PLS1: variants seen among roughly 807,000 people sequenced by gnomAD.
PLS1 encodes the protein plastin-1.
A neutral mutation model predicts 73.7 loss-of-function variants in PLS1; 32 were observed. That is an observed-to-expected ratio of 0.43 (90% CI 0.33 to 0.58). The LOEUF (loss-of-function observed/expected upper bound fraction) is 0.58. Ranked by LOEUF, PLS1 falls within the 20% of genes least tolerant of loss-of-function variation. The pLI is 0.04. For synonymous variants in PLS1, 217 were observed against 261.3 expected (o/e 0.83, Z 1.63); for missense variants, 633 against 740.5 (o/e 0.85, Z 1.68).
intron 13 of PLS1, 31 bp from the exon 14 acceptor site, chr3:142,704,432 C>T (rs2038405957): frequency 6.4e-7 from 1 of 1,564,366 alleles, no homozygotes; most frequent in Non-Finnish European, 8.7e-7. Context: ...TCACCCTTTT[C>T]AGTCTCAAAT....
chr3:142,649,963 A>C (rs76050956), intron 1 of PLS1, among the ~76,000 whole-genome samples: 349 of 152,300 alleles, frequency 2.3e-3, no homozygotes, highest in Middle Eastern at 0.017. Flanking sequence ...TCCTTTGAGG[A>C]AGTGACTTGC....
intron 2 of PLS1, among the ~76,000 whole-genome samples, chr3:142,665,580 G>A (rs1460368632): frequency 1.3e-5 from 2 of 152,126 alleles, no homozygotes; most frequent in African/African-American, 4.8e-5. Flanking sequence ...AACAGAGGAA[G>A]TAATAAAAAT....
intron 1 of PLS1, among the ~76,000 whole-genome samples, chr3:142,633,169 T>C (rs2036603023): frequency 6.6e-6 from 1 of 152,156 alleles, no homozygotes; most frequent in Non-Finnish European, 1.5e-5. Flanking sequence ...ATGTGAACCA[T>C]GTAGAGTAGT....
chr3:142,683,240 C>T (rs2037891814), intron 6 of PLS1, among the ~76,000 whole-genome samples: 1 of 152,184 alleles, frequency 6.6e-6, no homozygotes, highest in African/African-American at 2.4e-5. Flanking sequence ...TGCGGTGGCT[C>T]ACGCCTGTAA....
chr3:142,600,893 TATATATATATATATATATATA>T (rs1560024328), intron 1 of PLS1, among the ~76,000 whole-genome samples: 15 of 25,652 alleles, frequency 5.8e-4, no homozygotes, highest in Non-Finnish European at 7.8e-4. Flanking sequence ...TATATATATA[TATATATATATATATATATATA>T]TATTTTTTTT....
chr3:142,597,026 C>T (rs1215555808), intron 1 of PLS1, among the ~76,000 whole-genome samples: 1 of 152,166 alleles, frequency 6.6e-6, no homozygotes, highest in African/African-American at 2.4e-5. Context: ...TGCCAAAAAA[C>T]TTTCCGTGTT....
intron 1 of PLS1, among the ~76,000 whole-genome samples, chr3:142,618,319 G>A (rs1276874310): frequency 6.6e-6 from 1 of 152,064 alleles, no homozygotes; most frequent in Non-Finnish European, 1.5e-5. Context: ...ACAATCCAAG[G>A]CCAAGGTGAT....
At chr3:142,682,300 G>A (rs980524118) in intron 6 of PLS1, among the ~76,000 whole-genome samples, 4 of 152,172 alleles carry the variant, frequency 2.6e-5, no homozygotes, top group Admixed American at 6.5e-5. Context: ...GGTAGCGCCT[G>A]CAGTGAAAAA....
chr3:142,684,651 AAC>A (rs2037926469), intron 8 of PLS1, among the ~76,000 whole-genome samples: 1 of 152,176 alleles, frequency 6.6e-6, no homozygotes, highest in African/African-American at 2.4e-5. Context: ...AACAGATTAA[AAC>A]ACACTTTCTC....
intron 12 of PLS1, among the ~76,000 whole-genome samples, chr3:142,700,955 A>G (rs945999077): frequency 5.9e-5 from 9 of 152,186 alleles, no homozygotes; most frequent in African/African-American, 2.2e-4. Context: ...TGCTGCCACC[A>G]TGTAAATAGT....
intron 1 of PLS1, among the ~76,000 whole-genome samples, chr3:142,647,855 A>G (rs539136509): frequency 3.7e-4 from 57 of 152,236 alleles, no homozygotes; most frequent in Non-Finnish European, 7.4e-4. Context: ...TCTAGACTGT[A>G]CAGGGGTTCT....
intron 9 of PLS1, among the ~76,000 whole-genome samples, chr3:142,687,160 TAGA>T (rs758823306): frequency 4.0e-5 from 6 of 151,428 alleles, no homozygotes; most frequent in African/African-American, 1.2e-4. Context: ...TGGGCCACAT[TAGA>T]AGAAGAATTG....
intron 12 of PLS1, among the ~76,000 whole-genome samples, chr3:142,702,132 A>G (rs1438736694): frequency 1.3e-5 from 2 of 152,190 alleles, no homozygotes; most frequent in Admixed American, 6.6e-5. Flanking sequence ...TTATAGCACA[A>G]TACAGCCTTG....
intron 1 of PLS1, among the ~76,000 whole-genome samples, chr3:142,640,007 C>T (rs6778326): frequency 9.3e-4 from 141 of 152,198 alleles, no homozygotes; most frequent in African/African-American, 3.1e-3. Context: ...CTGCAGACTG[C>T]TCATTGGAAA....
At chr3:142,685,293 A>G (rs2037941146) in intron 8 of PLS1, among the ~76,000 whole-genome samples, 1 of 152,354 alleles carries the variant, frequency 6.6e-6, no homozygotes. Flanking sequence ...AGGCGATGCA[A>G]AGACTCAGCT....
At chr3:142,657,858 A>G (rs2037275626) in intron 1 of PLS1, among the ~76,000 whole-genome samples, 1 of 152,206 alleles carries the variant, frequency 6.6e-6, no homozygotes, top group South Asian at 2.1e-4. Flanking sequence ...TTCTCCCACA[A>G]TAATATTAAT....
chr3:142,686,387 T>C lies in PLS1; in HGVS notation c.981+11T>C. ...CTTTCAGGAATTAATGTGAGTGCAA[T>C]TTTTAACTTTTAAAATATATTGTGG... is the stretch of plus-strand genomic sequence containing the variant. On this transcript the variant is annotated intron_variant, in intron 9 of 15. Coordinates refer to ENST00000457734, the MANE Select transcript of PLS1 (RefSeq NM_001145319.2). 1 of 1,480,222 alleles carries C rather than the reference T, an allele frequency of 6.8e-7. No homozygotes were observed. Among genetic ancestry groups the C allele is most frequent in the East Asian group, 2.3e-5 (1 of 44,282 alleles). The allele number at this position is 1,480,222 out of a possible 1,614,324, so 91.7% of individuals were successfully genotyped here.
At chr3:142,652,417 AT>A (rs2037117756) in intron 1 of PLS1, among the ~76,000 whole-genome samples, 1 of 152,018 alleles carries the variant, frequency 6.6e-6, no homozygotes, top group Admixed American at 6.5e-5. Flanking sequence ...CTAGTTTCCT[AT>A]TTTCCAGCTA....
At chr3:142,690,737 T>C (rs1032542980) in intron 10 of PLS1, among the ~76,000 whole-genome samples, 7 of 152,240 alleles carry the variant, frequency 4.6e-5, no homozygotes, top group Non-Finnish European at 1.0e-4. Flanking sequence ...CTGAACCTCA[T>C]TGAAGCTTAC....
Sources: allele counts gnomAD v4.1 joint callset (sites outside exome capture counted in the v4.1 genomes callset), GRCh38; gene constraint gnomAD v4.1.1; transcripts MANE v1.5; gene names NCBI Gene and HGNC (gene_info 2026-07-23, HGNC 2026-07-21).